Variants in PHF14 observed in about 807,000 individuals in gnomAD.
PHF14 encodes PHD finger protein 14.
A neutral mutation model predicts 117.9 loss-of-function variants in PHF14; 55 were observed. That is an observed-to-expected ratio of 0.47 (90% CI 0.38 to 0.58). The LOEUF is 0.58. PHF14 is among the 20% of genes least tolerant of loss of function. PHF14 has a pLI of 0.00. For synonymous variants in PHF14, 409 were observed against 368.6 expected (o/e 1.11, Z -1.26); for missense variants, 978 against 1,122.2 (o/e 0.87, Z 1.84).
At chr7:11,025,467 T>A (rs1783874518) in intron 6 of PHF14, among the ~76,000 whole-genome samples, 2 of 152,080 alleles carry the variant, frequency 1.3e-5, no homozygotes, top group Admixed American at 6.5e-5. Flanking sequence ...AAAGGAAGGA[T>A]GAATCTATGC....
At chr7:11,103,903 C>T (rs1228990778) in intron 16 of PHF14, 2 of 980,618 alleles carry the variant, frequency 2.0e-6, no homozygotes, top group Non-Finnish European at 2.4e-6. Flanking sequence ...TAATCTTTAG[C>T]AAAACTAGTA....
intron 16 of PHF14, among the ~76,000 whole-genome samples, chr7:11,078,164 A>T (rs1218903506): frequency 1.3e-5 from 2 of 152,032 alleles, no homozygotes; most frequent in Non-Finnish European, 2.9e-5. Context: ...TTATTCACTT[A>T]TTCTCTAGGT....
In PHF14 at chr7:11,060,120, TC is replaced by T. The variant is rs757114217; in HGVS notation, c.2482-1667del. Among the ~76,000 whole-genome samples the T allele has an allele frequency of 2.0e-5, 3 of 152,268 alleles. No homozygotes were observed. The South Asian group carries it at 6.2e-4, about 32-fold the overall frequency. On this transcript the variant is annotated intron_variant, in intron 14 of 17. Coordinates refer to ENST00000634607, the MANE Select transcript of PHF14 (RefSeq NM_001007157.2). ...TTGAACTTTTAAGCTCAAGCAGTCT[TC>T]CCCGCTTAGCCTCTCAAAGTGTTGA...
chr7:11,137,592 T>C (rs1003183408), intron 17 of PHF14, among the ~76,000 whole-genome samples: 1 of 39,686 alleles, frequency 2.5e-5, no homozygotes, highest in African/African-American at 1.2e-4. Context: ...TAAAAATTCT[T>C]TTTTTTTTTT....
intron 17 of PHF14, among the ~76,000 whole-genome samples, chr7:11,145,687 C>T (rs1562485248): frequency 6.6e-6 from 1 of 151,970 alleles, no homozygotes; most frequent in Non-Finnish European, 1.5e-5. Context: ...GATCAAATAA[C>T]TATGCTTTGT....
rs372290299 is a variant in PHF14, at chr7:11,023,423, C to G, written c.1317+444C>G. Among the ~76,000 whole-genome samples the G allele has an allele frequency of 3.3e-5, 5 of 152,240 alleles. No homozygotes were observed. The South Asian group carries it at 1.0e-3, about 32-fold the overall frequency. ...TAACATGCCCTTAATAGATGGTGAA[C>G]TTAATTGATATATGTTATGTGTGTT... On this transcript the variant is annotated intron_variant, in intron 6 of 17. Coordinates refer to ENST00000634607, the MANE Select transcript of PHF14 (RefSeq NM_001007157.2).
chr7:11,128,517 A>C (rs1787999095), intron 17 of PHF14, among the ~76,000 whole-genome samples: 1 of 151,800 alleles, frequency 6.6e-6, no homozygotes, highest in Admixed American at 6.6e-5. Context: ...ACTTTTTCCC[A>C]GTCACTCTTT....
chr7:11,091,906 T>C lies in PHF14; in HGVS notation c.2655-19444T>C, dbSNP rs1423754455. Among the ~76,000 whole-genome samples the C allele has an allele frequency of 2.0e-5, 3 of 152,218 alleles. No homozygotes were observed. The East Asian group carries it at 5.8e-4, about 29-fold the overall frequency. On this transcript the variant is annotated intron_variant, in intron 16 of 17. Coordinates refer to ENST00000634607, the MANE Select transcript of PHF14 (RefSeq NM_001007157.2). ...AAATGACTGCGTCTTTCAGTGGATA[T>C]TGAAGGTACAGCAGGAAATCATGCT... is the stretch of plus-strand genomic sequence containing the variant.
rs114510215 is a variant in PHF14 at position 11,067,118 on chromosome 7, A to G, written c.2654+5033A>G. ...TATAAAGAACTTGGACAACTCAGCA[A>G]TAAGAAACAACCCCATTAAAAATGG... On this transcript the variant is annotated intron_variant, in intron 16 of 17. Coordinates refer to ENST00000634607, the MANE Select transcript of PHF14 (RefSeq NM_001007157.2). 6.4e-3 allele frequency among the ~76,000 whole-genome samples: 981 copies of G among 152,316 alleles called. 14 individuals are homozygous for G. Among genetic ancestry groups the G allele is most frequent in the African/African-American group, 0.021 (869 of 41,574 alleles).
intron 16 of PHF14, among the ~76,000 whole-genome samples, chr7:11,067,621 C>T (rs1482191272): frequency 6.6e-6 from 1 of 152,120 alleles, no homozygotes; most frequent in African/African-American, 2.4e-5. Flanking sequence ...TCTCTTAGTC[C>T]ATTTTATGTT....
intron 16 of PHF14, among the ~76,000 whole-genome samples, chr7:11,097,393 A>G (rs1231660986): frequency 6.6e-6 from 1 of 152,220 alleles, no homozygotes; most frequent in South Asian, 2.1e-4. Flanking sequence ...ATTTAAGGTG[A>G]CTAATCTATC....
At chr7:10,984,573 T>C (rs1782151348) in intron 3 of PHF14, among the ~76,000 whole-genome samples, 1 of 152,180 alleles carries the variant, frequency 6.6e-6, no homozygotes, top group Non-Finnish European at 1.5e-5. Flanking sequence ...ATATAATGAA[T>C]AAGTTTACTT....
chr7:11,027,036 A>G (rs1783938224), intron 6 of PHF14, among the ~76,000 whole-genome samples: 1 of 152,202 alleles, frequency 6.6e-6, no homozygotes, highest in South Asian at 2.1e-4. Flanking sequence ...GATTCAGGCG[A>G]TTGAGGAAGA....
intron 17 of PHF14, among the ~76,000 whole-genome samples, chr7:11,164,108 T>C (rs1242125618): frequency 6.6e-6 from 1 of 152,200 alleles, no homozygotes; most frequent in Non-Finnish European, 1.5e-5. Flanking sequence ...ATCATAAGAA[T>C]ATAGAAACAT....
chr7:11,073,240 A>G (rs187476005), intron 16 of PHF14, among the ~76,000 whole-genome samples: 3,970 of 152,252 alleles, frequency 0.026, 133 homozygotes, highest in East Asian at 0.1. Flanking sequence ...CCTTCCATCT[A>G]TGAGCCTGTA....
chr7:11,006,265 A>G, intron 4 of PHF14: 1 of 368,712 alleles, frequency 2.7e-6, no homozygotes, highest in Non-Finnish European at 5.3e-6. Flanking sequence ...ATTAAGAATG[A>G]AGTTTGGCAT....
chr7:11,068,192 A>G (rs192990481), intron 16 of PHF14, among the ~76,000 whole-genome samples: 3 of 152,048 alleles, frequency 2.0e-5, no homozygotes, highest in South Asian at 2.1e-4. Context: ...CTACTAAAAA[A>G]TACAAAAAAT....
At chr7:11,098,761 A>C (rs1373851571) in intron 16 of PHF14, among the ~76,000 whole-genome samples, 1 of 152,196 alleles carries the variant, frequency 6.6e-6, no homozygotes, top group African/African-American at 2.4e-5. Context: ...TACACACAGA[A>C]CAGTGTAAGA....
chr7:11,060,370 G>A (rs1159081047), intron 14 of PHF14, among the ~76,000 whole-genome samples: 2 of 152,314 alleles, frequency 1.3e-5, no homozygotes, highest in South Asian at 2.1e-4. Flanking sequence ...TTTGTAAGGG[G>A]ACAGAAAATA....
Sources: allele counts gnomAD v4.1 joint callset (sites outside exome capture counted in the v4.1 genomes callset), GRCh38; gene constraint gnomAD v4.1.1; transcripts MANE v1.5; gene names NCBI Gene and HGNC (gene_info 2026-07-23, HGNC 2026-07-21).